Variants in GAGE10 observed in about 807,000 individuals in gnomAD.
GAGE10 encodes G antigen 10.
In GAGE10, 9 loss-of-function variants were observed where a neutral mutation model predicts 11.5. That is an observed-to-expected ratio of 0.78 (90% CI 0.47 to 1.37). The LOEUF (loss-of-function observed/expected upper bound fraction) is 1.37, where lower values mean the gene tolerates loss of function less well. Among genes scored for constraint, GAGE10 ranks in the 40% most tolerant of loss-of-function variants. GAGE10 has a pLI of 0.00. For synonymous variants in GAGE10, 23 were observed against 29.7 expected (o/e 0.77, Z 0.73); for missense variants, 83 against 92.9 (o/e 0.89, Z 0.44).
At chrX:49,313,368 G>A (rs1228115281) in intron 3 of GAGE10, among the ~76,000 whole-genome samples, 1 of 112,046 alleles carries the variant, frequency 8.9e-6, no homozygotes, top group Non-Finnish European at 1.9e-5. Flanking sequence ...TCCTCCTCCA[G>A]GTCAGGTGTA....
At chrX:49,317,628 G>A (rs1414895355) in intron 4 of GAGE10, among the ~76,000 whole-genome samples, 6 of 98,806 alleles carry the variant, frequency 6.1e-5, no homozygotes, top group Non-Finnish European at 1.3e-4. Flanking sequence ...GATTACATGC[G>A]AGAGCCACCA....
At chrX:49,317,643 C>A (rs1194523247) in intron 4 of GAGE10, among the ~76,000 whole-genome samples, 1 of 77,622 alleles carries the variant, frequency 1.3e-5, no homozygotes, top group Admixed American at 1.3e-4. Flanking sequence ...CCACCATACG[C>A]GACCAAGGCA....
At chrX:49,315,226 C>G (rs59575227) in intron 3 of GAGE10, among the ~76,000 whole-genome samples, 1 of 112,185 alleles carries the variant, frequency 8.9e-6, no homozygotes, top group Non-Finnish European at 1.9e-5. Context: ...TAGGAACAAT[C>G]AAGCCATCCT....
intron 3 of GAGE10, among the ~76,000 whole-genome samples, chrX:49,307,337 C>G (rs782360133): frequency 8.9e-6 from 1 of 112,205 alleles, no homozygotes; most frequent in South Asian, 3.6e-4. Flanking sequence ...TGTACATCAT[C>G]AGAACAAAGA....
chrX:49,309,920 G>T (rs2066370481), intron 3 of GAGE10, among the ~76,000 whole-genome samples: 1 of 112,111 alleles, frequency 8.9e-6, no homozygotes, highest in Non-Finnish European at 1.9e-5. Flanking sequence ...GAGGACAAAA[G>T]GACCCCCACT....
chrX:49,317,592 C>T (rs2066398659), intron 4 of GAGE10, among the ~76,000 whole-genome samples: 3 of 111,083 alleles, frequency 2.7e-5, no homozygotes, highest in African/African-American at 9.8e-5. Context: ...AGGTGATCCA[C>T]TTAACTTAAC....
intron 3 of GAGE10, among the ~76,000 whole-genome samples, chrX:49,316,545 C>G (rs1334044917): frequency 9.0e-6 from 1 of 111,229 alleles, no homozygotes; most frequent in African/African-American, 3.3e-5. Context: ...GAAGTGAGAC[C>G]CCACGCCCAA....
intron 3 of GAGE10, among the ~76,000 whole-genome samples, chrX:49,316,827 A>C (rs781969092): frequency 2.3e-4 from 26 of 111,093 alleles, no homozygotes; most frequent in African/African-American, 8.5e-4. Context: ...TAACAGTCTA[A>C]GTGCTAGGAG....
intron 3 of GAGE10, among the ~76,000 whole-genome samples, chrX:49,314,256 C>G (rs782802839): frequency 8.9e-6 from 1 of 112,219 alleles, no homozygotes; most frequent in Non-Finnish European, 1.9e-5. Context: ...ACCATACCTA[C>G]TATAAATGTA....
chrX:49,317,474 C>T (rs1378150103), intron 4 of GAGE10, among the ~76,000 whole-genome samples, 186 bp downstream of exon 4: 5 of 111,351 alleles, frequency 4.5e-5, no homozygotes, highest in African/African-American at 1.3e-4. Flanking sequence ...GAGCCTCTCG[C>T]GGAGCTGGGC....
At chrX:49,308,127 C>T (rs1282997622) in intron 3 of GAGE10, among the ~76,000 whole-genome samples, 5 of 112,666 alleles carry the variant, frequency 4.4e-5, no homozygotes, top group African/African-American at 1.6e-4. Flanking sequence ...CCCTGCCCCA[C>T]GAAATGCTTA....
chrX:49,312,507 C>G (rs1748731890), intron 3 of GAGE10, among the ~76,000 whole-genome samples: 2 of 112,635 alleles, frequency 1.8e-5, no homozygotes, highest in African/African-American at 3.2e-5. Flanking sequence ...GGCTGTTATT[C>G]ATTGCAAAGG....
intron 4 of GAGE10, 57 bp downstream of exon 4, chrX:49,317,345 C>A: frequency 8.7e-7 from 1 of 1,153,573 alleles, no homozygotes; most frequent in South Asian, 1.8e-5. Flanking sequence ...AGTATCGTAT[C>A]ATAATTATTA....
chrX:49,316,406 T>A (rs188265159), intron 3 of GAGE10, among the ~76,000 whole-genome samples: 1,936 of 112,120 alleles, frequency 0.017, 40 homozygotes, highest in African/African-American at 0.06. Context: ...ACGAAATGCT[T>A]AAAAGGTAGC....
chrX:49,311,203 G>A (rs1365502929), intron 3 of GAGE10, among the ~76,000 whole-genome samples: 7 of 111,808 alleles, frequency 6.3e-5, no homozygotes, highest in South Asian at 3.7e-4. Flanking sequence ...GTACGAGTCC[G>A]TCAATATCCC....
chrX:49,316,699 C>T (rs1399970021), intron 3 of GAGE10, among the ~76,000 whole-genome samples: 1 of 112,130 alleles, frequency 8.9e-6, no homozygotes, highest in South Asian at 3.7e-4. Flanking sequence ...ATGATACAGA[C>T]ATTTTTGAAG....
At chrX:49,306,065 A>G (rs1172263088) in intron 3 of GAGE10, among the ~76,000 whole-genome samples, 4 of 111,851 alleles carry the variant, frequency 3.6e-5, no homozygotes, top group African/African-American at 1.3e-4. Context: ...ATAAATGAGG[A>G]TACTGCCATA....
Position 49,309,731 on chromosome X carries a change from C to G in GAGE10, c.202+4207C>G, listed in dbSNP as rs1383828306. On this transcript the variant is annotated intron_variant, in intron 3 of 4. Transcript: ENST00000407599. ...AATAGAGACCCCTCCTCCCTACATT[C>G]CAATCTACCCCCCTTTACTAAGGCT... 2.7e-5 allele frequency among the ~76,000 whole-genome samples: 3 copies of G among 112,014 alleles called. No individual in the cohort carries two copies. The East Asian group carries it at 8.4e-4, about 31-fold the overall frequency.
At chrX:49,317,678 C>A (rs1272724633) in intron 4 of GAGE10, among the ~76,000 whole-genome samples, 1 of 111,641 alleles carries the variant, frequency 9.0e-6, no homozygotes, top group East Asian at 2.8e-4. Flanking sequence ...ACACAGGTAA[C>A]AATACTGCCT....
Sources: allele counts gnomAD v4.1 joint callset (sites outside exome capture counted in the v4.1 genomes callset), GRCh38; gene constraint gnomAD v4.1.1; transcripts MANE v1.5; gene names NCBI Gene and HGNC (gene_info 2026-07-23, HGNC 2026-07-21).